The following CDH2 variants were observed in gnomAD, a reference collection of about 807,000 sequenced individuals.
The protein encoded by CDH2 is cadherin-2.
In CDH2, 17 loss-of-function variants were observed where a neutral mutation model predicts 92.0. The ratio of observed to expected loss-of-function variants is 0.18; its 90% confidence interval spans 0.13 to 0.28. The LOEUF (loss-of-function observed/expected upper bound fraction) is 0.28, where lower values mean the gene tolerates loss of function less well. CDH2 is among the 10% of genes least tolerant of loss of function. The pLI is 1.00. For synonymous variants in CDH2, 419 were observed against 415.9 expected (o/e 1.01, Z -0.09); for missense variants, 862 against 1,133.1 (o/e 0.76, Z 3.44).
chr18:28,118,612 T>TGTGC (rs578252410), intron 2 of CDH2, among the ~76,000 whole-genome samples: 112 of 151,530 alleles, frequency 7.4e-4, no homozygotes, highest in African/African-American at 2.6e-3. Flanking sequence ...TGTGTGTGTG[T>TGTGC]GCGCTGACTT....
intron 2 of CDH2, among the ~76,000 whole-genome samples, chr18:28,104,172 C>A (rs911129568): frequency 1.3e-5 from 2 of 152,160 alleles, no homozygotes; most frequent in African/African-American, 4.8e-5. Flanking sequence ...TGATGAAGAA[C>A]TACTATAAAC....
intron 14 of CDH2, among the ~76,000 whole-genome samples, chr18:27,967,220 T>C (rs2011552732): frequency 6.6e-6 from 1 of 152,124 alleles, no homozygotes; most frequent in African/African-American, 2.4e-5. Context: ...GACATAAAAA[T>C]CTGATGATGG....
chr18:28,088,748 G>C (rs1297928549), intron 2 of CDH2, among the ~76,000 whole-genome samples: 2 of 152,144 alleles, frequency 1.3e-5, no homozygotes, highest in Non-Finnish European at 2.9e-5. Context: ...CACCTTCCCA[G>C]CAAGTCAAGT....
intron 2 of CDH2, among the ~76,000 whole-genome samples, chr18:28,022,947 T>A (rs1431977715): frequency 6.6e-6 from 1 of 152,146 alleles, no homozygotes; most frequent in Non-Finnish European, 1.5e-5. Context: ...AAGCAAGCTA[T>A]CTTTTTTCAA....
At chr18:28,115,537 T>C (rs992746958) in intron 2 of CDH2, among the ~76,000 whole-genome samples, 1 of 152,118 alleles carries the variant, frequency 6.6e-6, no homozygotes, top group Non-Finnish European at 1.5e-5. Context: ...TCCTGGTATC[T>C]TGCTCAGAGA....
chr18:27,945,919 C>T (rs1909257454), intron 6 of CDH2, among the ~76,000 whole-genome samples: 1 of 152,092 alleles, frequency 6.6e-6, no homozygotes, highest in Non-Finnish European at 1.5e-5. Flanking sequence ...AAGTTATTAA[C>T]AATGAAGAGA....
chr18:28,029,170 G>A (rs544891291), intron 2 of CDH2, among the ~76,000 whole-genome samples: 1 of 152,142 alleles, frequency 6.6e-6, no homozygotes, highest in East Asian at 1.9e-4. Context: ...GTATTTCTCA[G>A]ACTCAGTTCA....
At chr18:28,174,270 G>A (rs188700390) in intron 1 of CDH2, among the ~76,000 whole-genome samples, 231 of 151,884 alleles carry the variant, frequency 1.5e-3, no homozygotes, top group African/African-American at 5.2e-3. Flanking sequence ...AAAAAACCTA[G>A]ACTGTTAATA....
chr18:27,968,634 T>C (rs550345419), intron 14 of CDH2, among the ~76,000 whole-genome samples: 1 of 152,334 alleles, frequency 6.6e-6, no homozygotes, highest in East Asian at 1.9e-4. Flanking sequence ...CTCCACTGGT[T>C]AGAACCAGTG....
chr18:28,030,552 A>G (rs1599047464), intron 2 of CDH2, among the ~76,000 whole-genome samples: 1 of 152,082 alleles, frequency 6.6e-6, no homozygotes, highest in Non-Finnish European at 1.5e-5. Context: ...AAGATAGTGG[A>G]CCATAAATGA....
intron 2 of CDH2, among the ~76,000 whole-genome samples, chr18:28,022,629 T>C (rs2013442217): frequency 6.6e-6 from 1 of 152,154 alleles, no homozygotes; most frequent in African/African-American, 2.4e-5. Flanking sequence ...TTAAAGTTCA[T>C]GGTCCTTCCT....
At chr18:28,037,297 G>A (rs910464272) in intron 2 of CDH2, among the ~76,000 whole-genome samples, 2 of 152,144 alleles carry the variant, frequency 1.3e-5, no homozygotes, top group East Asian at 3.9e-4. Flanking sequence ...TTCCCAAAGA[G>A]TGCTTCTTCT....
intron 2 of CDH2, among the ~76,000 whole-genome samples, chr18:28,060,361 A>G (rs1267368035): frequency 6.6e-6 from 1 of 151,872 alleles, no homozygotes; most frequent in Non-Finnish European, 1.5e-5. Flanking sequence ...AATTTTTCAT[A>G]TTTTTAGTAG....
chr18:28,094,522 C>T (rs1039500977), intron 2 of CDH2, among the ~76,000 whole-genome samples: 2 of 150,722 alleles, frequency 1.3e-5, no homozygotes, highest in Non-Finnish European at 3.0e-5. Context: ...AAGCCAGGTG[C>T]GGTGGCTCAC....
downstream of CDH2, among the ~76,000 whole-genome samples, chr18:27,947,646 G>GTATGTGATATAAGTA (rs201378185): frequency 2.6e-5 from 4 of 151,682 alleles, no homozygotes; most frequent in East Asian, 1.9e-4. Flanking sequence ...TGTGATGTAA[G>GTATGTGATATAAGTA]TATGTGATAT....
At chr18:28,175,782 C>T (rs2016530332) in intron 1 of CDH2, among the ~76,000 whole-genome samples, 1 of 152,238 alleles carries the variant, frequency 6.6e-6, no homozygotes, top group Non-Finnish European at 1.5e-5. Flanking sequence ...CTCCCCTTGC[C>T]CCGAGGGCGA....
At chr18:28,125,351 C>T (rs1009481163) in intron 2 of CDH2, among the ~76,000 whole-genome samples, 1 of 152,032 alleles carries the variant, frequency 6.6e-6, no homozygotes, top group Non-Finnish European at 1.5e-5. Flanking sequence ...ACAGCAATAC[C>T]TAATGTAAAA....
intron 2 of CDH2, among the ~76,000 whole-genome samples, chr18:28,139,799 G>A (rs1024256102): frequency 2.6e-5 from 4 of 151,756 alleles, no homozygotes; most frequent in African/African-American, 4.8e-5. Context: ...TAGGCTTCTC[G>A]TCCTCACATT....
rs2012178096 is a variant in CDH2 at position 27,985,006 on chromosome 18, G to GGAT, written c.2200_2202dup (p.Ile734dup). The GGAT allele has an allele frequency of 2.5e-6, 4 of 1,610,408 alleles. No homozygotes were observed. The highest frequency in any genetic ancestry group is 3.4e-6 in the Non-Finnish European group (4 of 1,176,680). On this transcript the variant is annotated inframe_insertion, in exon 13 of 16. Transcript: ENST00000269141. ...AGACAATAAAAGTACTCACTAAGCA[G>GGAT]GATGATGATGCAGAGCAGGATGGCA...
Sources: allele counts gnomAD v4.1 joint callset (sites outside exome capture counted in the v4.1 genomes callset), GRCh38; gene constraint gnomAD v4.1.1; transcripts MANE v1.5; gene names NCBI Gene and HGNC (gene_info 2026-07-23, HGNC 2026-07-21).